Variants in GNAO1 observed in about 807,000 individuals in gnomAD.
GNAO1 encodes the protein guanine nucleotide-binding protein G(o) subunit alpha.
For missense variants in GNAO1, 166 were observed against 478.7 expected (o/e 0.35, Z 6.10); for synonymous variants, 164 against 180.7 (o/e 0.91, Z 0.74).
At position 56,281,632 on chromosome 16, in the gene GNAO1, T is replaced by G. The variant is rs113158227; in HGVS notation, c.303+5560T>G. Reference sequence around the variant, plus strand: ...CCTCTCTCCCTCCCTTCCTCCTCACTCCAGCTCATTATTATGTAAATTGTC... The same window carrying G: ...CCTCTCTCCCTCCCTTCCTCCTCACGCCAGCTCATTATTATGTAAATTGTC... On this transcript the variant is annotated intron_variant, in intron 3 of 8. Coordinates refer to ENST00000262493, the MANE Select transcript of GNAO1 (RefSeq NM_020988.3). Among the ~76,000 whole-genome samples, 378 of 149,274 alleles carry G rather than the reference T, an allele frequency of 2.5e-3. 2 individuals carry two copies. The East Asian group carries it at 0.026, about 10-fold the overall frequency.
chr16:56,308,536 G>C (rs1477639138), intron 3 of GNAO1, among the ~76,000 whole-genome samples: 4 of 152,208 alleles, frequency 2.6e-5, no homozygotes, highest in Non-Finnish European at 5.9e-5. Flanking sequence ...CAGTGACCCA[G>C]AGGTTAGGTA....
chr16:56,223,910 G>A (rs1010161729), intron 2 of GNAO1, among the ~76,000 whole-genome samples: 3 of 152,208 alleles, frequency 2.0e-5, no homozygotes, highest in Admixed American at 6.5e-5. Flanking sequence ...TCAGTAAATG[G>A]ATGTTGAATG....
At chr16:56,310,408 T>TA (rs1221283429) in intron 3 of GNAO1, among the ~76,000 whole-genome samples, 4 of 152,188 alleles carry the variant, frequency 2.6e-5, no homozygotes, top group African/African-American at 2.4e-5. Flanking sequence ...GAGCACCTAT[T>TA]ATGTGCTATA....
intron 3 of GNAO1, among the ~76,000 whole-genome samples, chr16:56,278,894 C>G (rs1436456439): frequency 6.6e-6 from 1 of 152,186 alleles, no homozygotes; most frequent in African/African-American, 2.4e-5. Flanking sequence ...TCCAGATGCC[C>G]TGAGCCCAGT....
intron 3 of GNAO1, among the ~76,000 whole-genome samples, chr16:56,315,952 G>A (rs144830331): frequency 5.1e-4 from 78 of 152,116 alleles, no homozygotes; most frequent in African/African-American, 1.8e-3. Context: ...CCAGCTACTC[G>A]GGAGGCTGAG....
chr16:56,337,521 C>T (rs1210229134), intron 6 of GNAO1, among the ~76,000 whole-genome samples: 1 of 152,240 alleles, frequency 6.6e-6, no homozygotes, highest in East Asian at 1.9e-4. Context: ...AGTGAGGGGA[C>T]ATTCCCCTGG....
intron 2 of GNAO1, among the ~76,000 whole-genome samples, chr16:56,237,153 GTC>G (rs1457909989): frequency 6.6e-6 from 1 of 152,168 alleles, no homozygotes; most frequent in East Asian, 1.9e-4. Context: ...TTTCAGGTAA[GTC>G]TCTCTTATAA....
rs9922112 is a variant in GNAO1, at chr16:56,280,775, A to T, written c.303+4703A>T. Among the ~76,000 whole-genome samples, 6 of 152,094 alleles carry T rather than the reference A, an allele frequency of 3.9e-5. No homozygotes were observed. The South Asian group carries it at 1.2e-3, about 32-fold the overall frequency. On this transcript the variant is annotated intron_variant, in intron 3 of 8. Coordinates refer to ENST00000262493, the MANE Select transcript of GNAO1 (RefSeq NM_020988.3). ...AAGGATGGGCACAAGGTAGAACCTC[A>T]GCCAGAAAGCCAGGAGGCCGGGTGG...
intron 3 of GNAO1, among the ~76,000 whole-genome samples, chr16:56,327,296 T>A (rs34271901): frequency 6.6e-6 from 1 of 151,952 alleles, no homozygotes; most frequent in African/African-American, 2.4e-5. Context: ...CTCAAGGAGC[T>A]GGCACAGTGC....
chr16:56,274,704 C>G (rs1213324038), intron 2 of GNAO1, among the ~76,000 whole-genome samples: 3 of 152,112 alleles, frequency 2.0e-5, no homozygotes, highest in Non-Finnish European at 4.4e-5. Context: ...TATGAACTGT[C>G]CAGAATAGCC....
intron 2 of GNAO1, among the ~76,000 whole-genome samples, chr16:56,235,560 C>T (rs1490760524): frequency 6.6e-6 from 1 of 152,186 alleles, no homozygotes; most frequent in African/African-American, 2.4e-5. Context: ...TTCCTAAAGG[C>T]AGTGCTCCTA....
rs933811475 is a variant in GNAO1, at chr16:56,297,097, G to A, written c.303+21025G>A. On this transcript the variant is annotated intron_variant, in intron 3 of 8. Coordinates refer to ENST00000262493, the MANE Select transcript of GNAO1 (RefSeq NM_020988.3). Reference sequence around the variant, plus strand: ...AGTAGGGATTAGCCATCAGCTAACTGAGAAAACCGCCCTTTGGGAGTAGGA... The same window carrying A: ...AGTAGGGATTAGCCATCAGCTAACTAAGAAAACCGCCCTTTGGGAGTAGGA... 3.3e-5 allele frequency among the ~76,000 whole-genome samples: 5 copies of A among 152,316 alleles called. 1 individual carries two copies. The South Asian group carries it at 8.3e-4, about 25-fold the overall frequency.
intron 2 of GNAO1, among the ~76,000 whole-genome samples, chr16:56,201,705 A>C (rs1429115035): frequency 6.6e-6 from 1 of 152,246 alleles, no homozygotes; most frequent in Admixed American, 6.5e-5. Context: ...TTATTTGTTG[A>C]TCAGTTGGAA....
chr16:56,254,348 C>T (rs536077116), intron 2 of GNAO1, among the ~76,000 whole-genome samples: 1 of 152,040 alleles, frequency 6.6e-6, no homozygotes, highest in Middle Eastern at 3.2e-3. Context: ...TATTTAGCTT[C>T]TGTGTTTAAT....
At chr16:56,290,611 T>C (rs1410486032) in intron 3 of GNAO1, among the ~76,000 whole-genome samples, 1 of 152,192 alleles carries the variant, frequency 6.6e-6, no homozygotes. Flanking sequence ...ACCTGCTGAA[T>C]TGAAACCACA....
chr16:56,335,074 G>A (rs1166269014), intron 5 of GNAO1, among the ~76,000 whole-genome samples: 1 of 152,246 alleles, frequency 6.6e-6, no homozygotes, highest in Non-Finnish European at 1.5e-5. Context: ...GATTCCCAGA[G>A]TGGGGCTGTG....
intron 8 of GNAO1, chr16:56,355,355 A>G (rs1440270591): frequency 3.3e-5 from 5 of 153,058 alleles, no homozygotes; most frequent in Non-Finnish European, 7.3e-5. Flanking sequence ...GTGTGTGTAC[A>G]CACACTCACA....
intron 6 of GNAO1, among the ~76,000 whole-genome samples, chr16:56,337,822 C>T (rs181476082): frequency 5.5e-4 from 84 of 152,284 alleles, no homozygotes; most frequent in Middle Eastern, 3.4e-3. Flanking sequence ...CGCCAGGCAC[C>T]GAGCATGGCC....
At chr16:56,345,158 G>C (rs904912432) in intron 6 of GNAO1, 2 of 985,978 alleles carry the variant, frequency 2.0e-6, no homozygotes, top group Non-Finnish European at 2.4e-6. Flanking sequence ...TCCCGGTGAC[G>C]GTGACGCAGG....
Sources: allele counts gnomAD v4.1 joint callset (sites outside exome capture counted in the v4.1 genomes callset), GRCh38; gene constraint gnomAD v4.1.1; transcripts MANE v1.5; gene names NCBI Gene and HGNC (gene_info 2026-07-23, HGNC 2026-07-21).